The following CD300LB variants were observed in gnomAD, a reference collection of about 807,000 sequenced individuals.
CD300LB encodes CMRF35-like molecule 7.
CD300LB carries 18 observed loss-of-function variants against 20.8 expected under a neutral mutation model. The ratio of observed to expected loss-of-function variants is 0.87; its 90% confidence interval spans 0.60 to 1.28. The LOEUF is 1.28. Ranked by LOEUF, CD300LB falls within the 50% of genes most tolerant of loss-of-function variation. The probability of loss-of-function intolerance (pLI) is 0.00; values close to 1 mark genes in which losing one functional copy is unlikely to be tolerated. For synonymous variants in CD300LB, 91 were observed against 91.3 expected (o/e 1.00, Z 0.02); for missense variants, 222 against 251.8 (o/e 0.88, Z 0.80).
At position 74,521,350 on chromosome 17, in the gene CD300LB, C is replaced by G. The variant is rs1302119026; in HGVS notation, c.*1388G>C. On this transcript the variant is annotated 3_prime_UTR_variant, in exon 4 of 4. Transcript: ENST00000392621. ...TCCTCCCTGGGTCTGGTCGGATCTT[C>G]GGGAAGCTGGATCCAGGAAAGCATT... 2 of 985,530 alleles carry G rather than the reference C, an allele frequency of 2.0e-6. No homozygotes were observed. The highest frequency in any genetic ancestry group is 3.5e-5 in the African/African-American group (2 of 57,370). The allele number at this position is 985,530 out of a possible 1,614,324, so 61.0% of individuals were successfully genotyped here. A position where few individuals can be genotyped will look rare whatever the true frequency, so the allele number is the denominator to read the frequency against.
In CD300LB at chr17:74,526,016, A is replaced by T. The variant is rs1337907291; in HGVS notation, c.102T>A (p.Val34=). 1 of 1,613,950 alleles carries T rather than the reference A, an allele frequency of 6.2e-7. No individual in the cohort carries two copies. Among genetic ancestry groups the T allele is most frequent in the Non-Finnish European group, 8.5e-7 (1 of 1,180,004 alleles). ...CCCATCCTTGCTTATAGTGGCATTG[A>T]ACCGTCAGGGACCCCTGCTCTGGGG... ...VRAPEQGSLT[V]QCHYKQGWET... Residue 34 remains valine (V), a synonymous_variant, in exon 2 of 4, where the codon GTT becomes GTA. Transcript: ENST00000392621.
At chr17:74,523,800 C>T in intron 2 of CD300LB, 149 bp from the exon 3 acceptor site, 1 of 645,904 alleles carries the variant, frequency 1.5e-6, no homozygotes. Context: ...GCCCCTCATG[C>T]TTCTACTGAG....
rs1282695441 is a variant in CD300LB, at chr17:74,522,392, G to C, written c.*346C>G. The C allele has an allele frequency of 2.9e-6, 3 of 1,029,212 alleles. No homozygotes were observed. The highest frequency in any genetic ancestry group is 1.7e-5 in the African/African-American group (1 of 58,918). 63.8% of individuals were successfully genotyped at this position (1,029,212 alleles called of 1,614,324 possible). A position where few individuals can be genotyped will look rare whatever the true frequency, so the allele number is the denominator to read the frequency against. ...CCGGAATGATGGAAGTCTAGGGCTG[G>C]GGGGGTCTCCCCCAACCTCTTTCTG... On this transcript the variant is annotated 3_prime_UTR_variant, in exon 4 of 4. Transcript: ENST00000392621.
At position 74,523,361 on chromosome 17, in the gene CD300LB, C is replaced by T. The variant is rs113185789; in HGVS notation, c.443+218G>A. On this transcript the variant is annotated intron_variant, in intron 3 of 3. Transcript: ENST00000392621. ...TGATTGACTGGGAGAATGATGCTCACTGAGAAGAGTTCTGCAGAGCGGTTT... is the reference window on the plus strand; with the variant it reads ...TGATTGACTGGGAGAATGATGCTCATTGAGAAGAGTTCTGCAGAGCGGTTT... 3,534 of 582,870 alleles carry T rather than the reference C, an allele frequency of 6.1e-3. 105 individuals carry two copies. Among genetic ancestry groups the T allele is most frequent in the African/African-American group, 0.058 (3,097 of 53,794 alleles). 36.1% of individuals were successfully genotyped at this position (582,870 alleles called of 1,614,324 possible).
chr17:74,522,120 G>A lies in CD300LB; in HGVS notation c.*618C>T, dbSNP rs1457431296. 2 of 985,248 alleles carry A rather than the reference G, an allele frequency of 2.0e-6. No homozygotes were observed. The highest frequency in any genetic ancestry group is 2.4e-6 in the Non-Finnish European group (2 of 829,970). The allele number at this position is 985,248 out of a possible 1,614,324, so 61.0% of individuals were successfully genotyped here. ...AGGGGGAGGACAAGCACCGGGCCGG[G>A]CCAGGGAGGTTCCCATTGCCTCCTC... is the stretch of plus-strand genomic sequence containing the variant. On this transcript the variant is annotated 3_prime_UTR_variant, in exon 4 of 4. Coordinates refer to ENST00000392621, the MANE Select transcript of CD300LB (RefSeq NM_174892.4).
At chr17:74,531,268 T>G (rs199811666) in intron 1 of CD300LB, 43 bp downstream of exon 1, 277 of 1,499,010 alleles carry the variant, frequency 1.8e-4, no homozygotes, top group Middle Eastern at 9.5e-4. Flanking sequence ...CCTCCTGCCC[T>G]GCCCCTGTCA....
intron 1 of CD300LB, among the ~76,000 whole-genome samples, chr17:74,528,909 A>T (rs977619540): frequency 2.0e-4 from 31 of 151,976 alleles, no homozygotes; most frequent in Admixed American, 2.0e-3. Context: ...AGGCAGGAGG[A>T]TCGCTTGAGC....
Position 74,522,702 on chromosome 17 carries a change from G to A in CD300LB, c.*36C>T, listed in dbSNP as rs200955812. The A allele has an allele frequency of 4.3e-6, 7 of 1,610,644 alleles. No individual in the cohort carries two copies. Among genetic ancestry groups the A allele is most frequent in the East Asian group, 2.2e-5 (1 of 44,832 alleles). Reference sequence around the variant, plus strand: ...CACAGCCCGAGTCTCTTCTGGAAACGTGGCCAGGGCAGGAAGGCTCTGCAG... The same window carrying A: ...CACAGCCCGAGTCTCTTCTGGAAACATGGCCAGGGCAGGAAGGCTCTGCAG... On this transcript the variant is annotated 3_prime_UTR_variant, in exon 4 of 4. Coordinates refer to ENST00000392621, the MANE Select transcript of CD300LB (RefSeq NM_174892.4).
At chr17:74,530,115 G>C (rs1277758832) in intron 1 of CD300LB, among the ~76,000 whole-genome samples, 2 of 152,224 alleles carry the variant, frequency 1.3e-5, no homozygotes, top group African/African-American at 4.8e-5. Context: ...GGGCTGAAGG[G>C]TGGAAGTCCA....
At chr17:74,525,193 C>T (rs1438332734) in intron 2 of CD300LB, among the ~76,000 whole-genome samples, 1 of 152,082 alleles carries the variant, frequency 6.6e-6, no homozygotes, top group African/African-American at 2.4e-5. Flanking sequence ...CAGAGTGGTC[C>T]CTGACGTTGC....
At position 74,527,500 on chromosome 17, in the gene CD300LB, G is replaced by T. The variant is rs186656041; in HGVS notation, c.41-1423C>A. ...AGTTTTCTTGAACTTTGCATTCGTG[G>T]TTGGTAGAATAATGTCCCCCATAGC... On this transcript the variant is annotated intron_variant, in intron 1 of 3. Transcript: ENST00000392621. Among the ~76,000 whole-genome samples the T allele has an allele frequency of 3.3e-5, 5 of 152,352 alleles. No individual in the cohort carries two copies. The East Asian group carries it at 9.6e-4, about 29-fold the overall frequency.
In CD300LB at chr17:74,522,401, C is replaced by T. The variant is rs1907908538; in HGVS notation, c.*337G>A. Reference sequence around the variant, plus strand: ...TGGAAGTCTAGGGCTGGGGGGGTCTCCCCCAACCTCTTTCTGTACTTTGGT... The same window carrying T: ...TGGAAGTCTAGGGCTGGGGGGGTCTTCCCCAACCTCTTTCTGTACTTTGGT... On this transcript the variant is annotated 3_prime_UTR_variant, in exon 4 of 4. Transcript: ENST00000392621. 9.6e-6 allele frequency: 10 copies of T among 1,038,834 alleles called. No individual in the cohort carries two copies. The South Asian group carries it at 3.7e-4, about 38-fold the overall frequency. 64.4% of individuals were successfully genotyped at this position (1,038,834 alleles called of 1,614,324 possible).
chr17:74,529,721 C>T (rs35628368), intron 1 of CD300LB, among the ~76,000 whole-genome samples: 4,095 of 152,172 alleles, frequency 0.027, 58 homozygotes, highest in South Asian at 0.051. Context: ...ACCTGGGAGG[C>T]GGAGGTTGCA....
chr17:74,527,336 G>T (rs961218765), intron 1 of CD300LB, among the ~76,000 whole-genome samples: 1 of 152,248 alleles, frequency 6.6e-6, no homozygotes, highest in East Asian at 1.9e-4. Flanking sequence ...AATCACAGGG[G>T]AAGCCTCTCT....
chr17:74,522,331 T>A lies in CD300LB; in HGVS notation c.*407A>T. 1 of 993,328 alleles carries A rather than the reference T, an allele frequency of 1.0e-6. No individual in the cohort carries two copies. The highest frequency in any genetic ancestry group is 1.2e-6 in the Non-Finnish European group (1 of 835,242). The allele number at this position is 993,328 out of a possible 1,614,324, so 61.5% of individuals were successfully genotyped here. A position where few individuals can be genotyped will look rare whatever the true frequency, so the allele number is the denominator to read the frequency against. On this transcript the variant is annotated 3_prime_UTR_variant, in exon 4 of 4. Transcript: ENST00000392621. ...AAAAAAATTTAAAAACACGGATATA[T>A]CAGGTTCTCAGGCAAAGACGGTGTT...
At chr17:74,531,273 C>T (rs765623922) in intron 1 of CD300LB, 38 bp downstream of exon 1, 2 of 1,511,502 alleles carry the variant, frequency 1.3e-6, no homozygotes, top group Admixed American at 4.5e-5. Context: ...TGCCCTGCCC[C>T]TGTCATACCA....
Position 74,521,672 on chromosome 17 carries a change from A to G in CD300LB, c.*1066T>C. ...CCAAGAGCAGGTTGGAGGCGTCCTC[A>G]TGGGTGTTCAAAGGGCAACATGCCG... On this transcript the variant is annotated 3_prime_UTR_variant, in exon 4 of 4. Coordinates refer to ENST00000392621, the MANE Select transcript of CD300LB (RefSeq NM_174892.4). 2 of 985,340 alleles carry G rather than the reference A, an allele frequency of 2.0e-6. No individual in the cohort carries two copies. The highest frequency in any genetic ancestry group is 2.4e-6 in the Non-Finnish European group (2 of 829,974). The allele number at this position is 985,340 out of a possible 1,614,324, so 61.0% of individuals were successfully genotyped here.
Position 74,522,727 on chromosome 17 carries a change from G to A in CD300LB, c.*11C>T, listed in dbSNP as rs1208160033. 6.2e-7 allele frequency: 1 copy of A among 1,613,972 alleles called. No individual in the cohort carries two copies. Among genetic ancestry groups the A allele is most frequent in the African/African-American group, 1.3e-5 (1 of 74,940 alleles). On this transcript the variant is annotated 3_prime_UTR_variant, in exon 4 of 4. Coordinates refer to ENST00000392621, the MANE Select transcript of CD300LB (RefSeq NM_174892.4). The stretch of plus-strand genomic sequence containing the variant: ...GTGGCCAGGGCAGGAAGGCTCTGCA[G>A]ATCCATCTCTCTAAGTGGCCATGTC...
intron 1 of CD300LB, 115 bp from the exon 2 acceptor site, chr17:74,526,192 G>A: frequency 7.0e-7 from 1 of 1,423,722 alleles, no homozygotes; most frequent in Admixed American, 2.2e-5. Flanking sequence ...AAAATCCCAA[G>A]ATACAGCTCC....
Sources: allele counts gnomAD v4.1 joint callset (sites outside exome capture counted in the v4.1 genomes callset), GRCh38; gene constraint gnomAD v4.1.1; transcripts MANE v1.5; gene names NCBI Gene and HGNC (gene_info 2026-07-23, HGNC 2026-07-21).